The following RASA3 variants were observed in gnomAD, a reference collection of about 807,000 sequenced individuals.
RASA3 encodes the protein ras GTPase-activating protein 3.
RASA3 carries 73 observed loss-of-function variants against 110.0 expected under a neutral mutation model. That is an observed-to-expected ratio of 0.66 (90% confidence interval 0.55 to 0.81). The LOEUF (loss-of-function observed/expected upper bound fraction) is 0.81. Ranked by LOEUF, RASA3 falls within the 30% of genes least tolerant of loss-of-function variation. The pLI, the probability that RASA3 is intolerant of heterozygous loss-of-function variation, is 0.00. For synonymous variants in RASA3, 500 were observed against 451.4 expected (o/e 1.11, Z -1.37); for missense variants, 976 against 1,113.2 (o/e 0.88, Z 1.75).
intron 2 of RASA3, among the ~76,000 whole-genome samples, chr13:114,070,608 C>T (rs61973921): frequency 0.13 from 20,303 of 151,736 alleles, 1,751 homozygotes; most frequent in Middle Eastern, 0.21. Context: ...CACTAAACGG[C>T]GCCAGTGTTA....
intron 1 of RASA3, among the ~76,000 whole-genome samples, chr13:114,075,516 C>T (rs2079656245): frequency 8.4e-6 from 1 of 119,100 alleles, no homozygotes; most frequent in African/African-American, 3.6e-5. Flanking sequence ...GTGTCGGCGC[C>T]GCGTATCTCT....
At chr13:114,089,899 G>A (rs1035029848) in intron 1 of RASA3, among the ~76,000 whole-genome samples, 1 of 145,834 alleles carries the variant, frequency 6.9e-6, no homozygotes, top group Non-Finnish European at 1.5e-5. Context: ...GGGACCACAC[G>A]GTCCTTCCCC....
In RASA3 at chr13:114,057,496, G is replaced by A. The variant is rs1377452874; in HGVS notation, c.174-5341C>T. 5.1e-6 allele frequency: 5 copies of A among 985,270 alleles called. No individual in the cohort carries two copies. The highest frequency in any genetic ancestry group is 6.1e-5 in the Admixed American group (1 of 16,272). 61.0% of individuals were successfully genotyped at this position (985,270 alleles called of 1,614,324 possible). A position where few individuals can be genotyped will look rare whatever the true frequency, so the allele number is the denominator to read the frequency against. On this transcript the variant is annotated intron_variant, in intron 2 of 23. Coordinates refer to ENST00000334062, the MANE Select transcript of RASA3 (RefSeq NM_007368.4). This position sits in a 1 kb window ranked among gnomAD's most constrained non-coding sequence, Gnocchi z 5.0. The stretch of plus-strand genomic sequence containing the variant: ...GTCTCTGTGCCAGAATAGAGGGTTC[G>A]TTCAGCTTCTTAGACCGATGATTTA...
At chr13:114,005,073 G>C (rs1216137386) in intron 18 of RASA3, among the ~76,000 whole-genome samples, 1 of 152,224 alleles carries the variant, frequency 6.6e-6, no homozygotes, top group Non-Finnish European at 1.5e-5. Context: ...AACACGGAGG[G>C]GCGGGGCGCT....
At chr13:114,064,928 A>G (rs2079420885) in intron 2 of RASA3, among the ~76,000 whole-genome samples, 1 of 152,264 alleles carries the variant, frequency 6.6e-6, no homozygotes, top group African/African-American at 2.4e-5. Flanking sequence ...ATGTGGCCTA[A>G]GGAAATTAAC....
At chr13:113,997,521 T>C (rs2053283509) in intron 20 of RASA3, among the ~76,000 whole-genome samples, 1 of 149,254 alleles carries the variant, frequency 6.7e-6, no homozygotes, top group Admixed American at 6.7e-5. Context: ...ACAAAGGTCC[T>C]GGGGCAGGTG....
At chr13:114,001,125 A>G (rs377438996) in intron 18 of RASA3, among the ~76,000 whole-genome samples, 193 bp from the exon 19 acceptor site, 7 of 152,344 alleles carry the variant, frequency 4.6e-5, no homozygotes, top group African/African-American at 1.4e-4. Context: ...TTGAGCGCTG[A>G]CTGCTTTGAG....
chr13:113,981,721 C>T lies in RASA3; in HGVS notation c.2383G>A (p.Ala795Thr), dbSNP rs777437516. The T allele has an allele frequency of 3.6e-5, 58 of 1,614,004 alleles. No individual in the cohort carries two copies. The highest frequency in any genetic ancestry group is 8.9e-5 in the East Asian group (4 of 44,888). The stretch of plus-strand genomic sequence containing the variant: ...TTGAACTTGTCCCTCTTATACTGGG[C>T]GTGCTCCTGCTCCAAAGCCCCAACC... ...AGVGALEQEH[A>T]QYKRDKFKKT... Residue 795 changes from alanine (A) to threonine (T), a missense_variant, in exon 23 of 24, where the codon GCC becomes ACC. This residue lies in a region of RASA3 where 132 missense variants were observed against 152.8 expected (regional missense o/e 0.86). Transcript: ENST00000334062.
At chr13:114,030,718 G>A (rs1019767121) in intron 4 of RASA3, among the ~76,000 whole-genome samples, 1 of 152,158 alleles carries the variant, frequency 6.6e-6, no homozygotes. Flanking sequence ...GCGTACAACT[G>A]TGTGTCTGCC....
chr13:114,062,326 C>T (rs997264298), intron 2 of RASA3, among the ~76,000 whole-genome samples: 3 of 151,838 alleles, frequency 2.0e-5, no homozygotes, highest in African/African-American at 7.3e-5. Flanking sequence ...AGGGGGGGCT[C>T]GCATTGTACA....
chr13:114,114,072 C>T lies in RASA3; in HGVS notation c.55+18363G>A, dbSNP rs908723602. On this transcript the variant is annotated intron_variant, in intron 1 of 23. Coordinates refer to ENST00000334062, the MANE Select transcript of RASA3 (RefSeq NM_007368.4). This position sits in a 1 kb window ranked among gnomAD's most constrained non-coding sequence, Gnocchi z 4.8. ...CTCACACCGCATCCATCAATCCACCCACCACAGCAAGTGTCTGCGATGTCT... is the reference window on the plus strand; with the variant it reads ...CTCACACCGCATCCATCAATCCACCTACCACAGCAAGTGTCTGCGATGTCT... Among the ~76,000 whole-genome samples, 6 of 152,266 alleles carry T rather than the reference C, an allele frequency of 3.9e-5. No homozygotes were observed. The highest frequency in any genetic ancestry group is 2.1e-4 in the South Asian group (1 of 4,832).
rs909042567 is a variant in RASA3, at chr13:114,057,115, G to C, written c.174-4960C>G. On this transcript the variant is annotated intron_variant, in intron 2 of 23. Transcript: ENST00000334062. The surrounding 1 kb of genome is among the most constrained non-coding windows in gnomAD (Gnocchi z 5.0). ...AGAACAGGCTCCAGCACAGGCGATG[G>C]GTGAGTGTTTTGCATGTCTGATGTC... The C allele has an allele frequency of 6.3e-6, 5 of 788,334 alleles. 1 individual carries two copies. The highest frequency in any genetic ancestry group is 7.7e-6 in the Non-Finnish European group (5 of 650,432). The allele number at this position is 788,334 out of a possible 1,614,324, so 48.8% of individuals were successfully genotyped here.
chr13:114,082,391 C>T (rs1335266123), intron 1 of RASA3, among the ~76,000 whole-genome samples: 1 of 152,234 alleles, frequency 6.6e-6, no homozygotes, highest in Admixed American at 6.5e-5. Context: ...GCCTGGGGAA[C>T]CCTAGTCTCT....
At chr13:114,046,944 T>C (rs991058487) in intron 3 of RASA3, among the ~76,000 whole-genome samples, 2 of 152,104 alleles carry the variant, frequency 1.3e-5, no homozygotes, top group Non-Finnish European at 2.9e-5. Flanking sequence ...AAACAGATCA[T>C]GGAACTAAAT....
chr13:114,078,083 G>A, intron 1 of RASA3: 2 of 851,450 alleles, frequency 2.3e-6, no homozygotes, highest in South Asian at 1.1e-4. Flanking sequence ...CATCCAATGA[G>A]CTGCTCAGAC....
intron 21 of RASA3, among the ~76,000 whole-genome samples, chr13:113,993,904 AT>A (rs1390946492): frequency 6.6e-6 from 1 of 152,050 alleles, no homozygotes. Flanking sequence ...CTCACGGTTA[AT>A]TTCACATTTG....
At position 114,056,545 on chromosome 13, in the gene RASA3, A is replaced by C. The variant is rs780521553; in HGVS notation, c.174-4390T>G. ...TCAGTTGCTCTGCCAAAGGCTCTGC[A>C]CAAGTGGCTCCTCTCTCTGTAACTC... On this transcript the variant is annotated intron_variant, in intron 2 of 23. Coordinates refer to ENST00000334062, the MANE Select transcript of RASA3 (RefSeq NM_007368.4). This position sits in a 1 kb window ranked among gnomAD's most constrained non-coding sequence, Gnocchi z 5.7. 1 of 984,728 alleles carries C rather than the reference A, an allele frequency of 1.0e-6. No individual in the cohort carries two copies. The highest frequency in any genetic ancestry group is 1.2e-6 in the Non-Finnish European group (1 of 829,880). The allele number at this position is 984,728 out of a possible 1,614,324, so 61.0% of individuals were successfully genotyped here.
intron 1 of RASA3, among the ~76,000 whole-genome samples, chr13:114,110,750 G>A (rs1040804338): frequency 2.0e-5 from 3 of 152,204 alleles, no homozygotes; most frequent in South Asian, 2.1e-4. Context: ...AGCCTCCCGC[G>A]TCCCCACAGC....
intron 1 of RASA3, among the ~76,000 whole-genome samples, chr13:114,127,602 G>A (rs2080467976): frequency 6.6e-6 from 1 of 152,158 alleles, no homozygotes; most frequent in Admixed American, 6.5e-5. Context: ...AGATCACAGA[G>A]AAGAAACAGC....
Sources: allele counts gnomAD v4.1 joint callset (sites outside exome capture counted in the v4.1 genomes callset), GRCh38; gene constraint gnomAD v4.1.1; regional missense constraint gnomAD v4.1.1; non-coding constraint Gnocchi (gnomAD v3.1); transcripts MANE v1.5; gene names NCBI Gene and HGNC (gene_info 2026-07-23, HGNC 2026-07-21).